PTPRO: variants seen among roughly 807,000 people sequenced by gnomAD.
PTPRO encodes protein tyrosine phosphatase receptor type O, also known as receptor-type tyrosine-protein phosphatase O.
In PTPRO, 62 loss-of-function variants were observed where a neutral mutation model predicts 145.2. The observed-to-expected ratio is 0.43, with a 90% CI of 0.35 to 0.53. The LOEUF is 0.53. PTPRO is among the 20% of genes least tolerant of loss of function. The pLI is 0.01. For missense variants in PTPRO, 1,345 were observed against 1,482.7 expected, an observed-to-expected ratio of 0.91 and a Z score of 1.53; for synonymous variants, 565 against 514.7, an observed-to-expected ratio of 1.10 and a Z score of -1.32.
chr12:15,587,205 C>G, intron 24 of PTPRO, 154 bp downstream of exon 24: 1 of 830,612 alleles, frequency 1.2e-6, no homozygotes, highest in Non-Finnish European at 1.9e-6. Flanking sequence ...TCACTATATA[C>G]AATGTTTATT....
chr12:15,482,762 A>G (rs1591640957), intron 1 of PTPRO, among the ~76,000 whole-genome samples: 1 of 152,168 alleles, frequency 6.6e-6, no homozygotes, highest in African/African-American at 2.4e-5. Context: ...TCCTTCACTG[A>G]TGTAACAGAA....
intron 2 of PTPRO, among the ~76,000 whole-genome samples, chr12:15,489,191 C>T (rs1941950370): frequency 6.6e-6 from 1 of 151,784 alleles, no homozygotes; most frequent in South Asian, 2.1e-4. Flanking sequence ...AAATAAAAAC[C>T]ATTACAAATA....
chr12:15,523,785 A>G (rs1320667499), intron 10 of PTPRO, among the ~76,000 whole-genome samples: 1 of 151,676 alleles, frequency 6.6e-6, no homozygotes, highest in Admixed American at 6.6e-5. Context: ...AAAAGTAAAA[A>G]TAAAATAAAA....
At chr12:15,396,253 T>C (rs1474058884) in intron 1 of PTPRO, among the ~76,000 whole-genome samples, 1 of 152,214 alleles carries the variant, frequency 6.6e-6, no homozygotes, top group African/African-American at 2.4e-5. Context: ...TGGGCATATA[T>C]ATTTGTGTTT....
intron 1 of PTPRO, among the ~76,000 whole-genome samples, chr12:15,458,228 C>T (rs1462620263): frequency 6.6e-6 from 1 of 152,096 alleles, no homozygotes; most frequent in African/African-American, 2.4e-5. Context: ...CTGCTGACAG[C>T]CTTATGCAGA....
At chr12:15,351,144 T>C (rs539012259) in intron 1 of PTPRO, among the ~76,000 whole-genome samples, 2 of 152,246 alleles carry the variant, frequency 1.3e-5, no homozygotes, top group Non-Finnish European at 2.9e-5. Context: ...TTTCTGTAAG[T>C]GTGCTGCCGT....
chr12:15,510,717 T>C (rs770391972), intron 7 of PTPRO, among the ~76,000 whole-genome samples: 6 of 152,182 alleles, frequency 3.9e-5, no homozygotes, highest in Non-Finnish European at 5.9e-5. Context: ...CAAGACCTTT[T>C]TGAGATTTGT....
In PTPRO at chr12:15,594,958, C is replaced by T; in HGVS notation, c.3568C>T (p.Gln1190Ter). 1 of 1,613,712 alleles carries T rather than the reference C, an allele frequency of 6.2e-7. No homozygotes were observed. Among genetic ancestry groups the T allele is most frequent in the Non-Finnish European group, 8.5e-7 (1 of 1,179,748 alleles). ...CCAGGAGCAGTACATTTTTATCCAT[C>T]AGTGTGTGCAACTGATGTGGATGAA... The part of the protein sequence containing the change: ...QTEEQYIFIH[Q>*]CVQLMWMKKK... Residue 1190 changes from glutamine to a stop codon, truncating the protein, a stop_gained, in exon 26 of 27, where the codon CAG (glutamine) becomes TAG (stop). Coordinates refer to ENST00000281171, the MANE Select transcript of PTPRO (RefSeq NM_030667.3). LOFTEE classifies it high-confidence loss of function.
chr12:15,443,348 T>C (rs1263895691), intron 1 of PTPRO, among the ~76,000 whole-genome samples: 1 of 152,144 alleles, frequency 6.6e-6, no homozygotes, highest in African/African-American at 2.4e-5. Context: ...AAAAATTAAC[T>C]GAAAATTGAT....
intron 25 of PTPRO, 50 bp from the exon 26 acceptor site, chr12:15,594,887 A>G (rs1294467616): frequency 7.8e-7 from 1 of 1,282,440 alleles, no homozygotes; most frequent in East Asian, 2.4e-5. Flanking sequence ...ATAAAATATT[A>G]TATCTTTGCA....
intron 1 of PTPRO, among the ~76,000 whole-genome samples, chr12:15,438,474 C>A (rs1210942510): frequency 6.6e-6 from 1 of 151,826 alleles, no homozygotes; most frequent in African/African-American, 2.4e-5. Flanking sequence ...CTAAAGCAAC[C>A]CAGGAAATGA....
chr12:15,409,305 CCATCATA>C (rs1324733805), intron 1 of PTPRO, among the ~76,000 whole-genome samples: 5 of 152,094 alleles, frequency 3.3e-5, no homozygotes, highest in Admixed American at 1.3e-4. Context: ...TCTACATAGA[CCATCATA>C]TGTTGGTCCC....
intron 1 of PTPRO, among the ~76,000 whole-genome samples, chr12:15,479,588 C>T (rs545956894): frequency 1.3e-3 from 195 of 152,322 alleles, no homozygotes; most frequent in African/African-American, 4.5e-3. Context: ...CCCATCTCAT[C>T]TCTTCATCTA....
chr12:15,495,888 C>A (rs1026885059), intron 2 of PTPRO, among the ~76,000 whole-genome samples: 20 of 152,026 alleles, frequency 1.3e-4, no homozygotes, highest in African/African-American at 4.3e-4. Flanking sequence ...TGTCATCCAG[C>A]CTAAGCAAAG....
intron 1 of PTPRO, among the ~76,000 whole-genome samples, chr12:15,444,687 A>G (rs993501737): frequency 6.6e-6 from 1 of 151,516 alleles, no homozygotes; most frequent in African/African-American, 2.4e-5. Flanking sequence ...CCCCAGAGAG[A>G]TCCTCCTCCC....
chr12:15,461,154 A>G (rs531874040), intron 1 of PTPRO, among the ~76,000 whole-genome samples: 2 of 152,280 alleles, frequency 1.3e-5, no homozygotes, highest in East Asian at 3.9e-4. Context: ...CTCTGCAAAT[A>G]AGAACTTTGG....
intron 3 of PTPRO, 82 bp from the exon 4 acceptor site, chr12:15,499,360 A>T: frequency 7.5e-7 from 1 of 1,332,122 alleles, no homozygotes; most frequent in Non-Finnish European, 1.1e-6. Flanking sequence ...GTGAATGTTT[A>T]GCCATAATTG....
intron 1 of PTPRO, among the ~76,000 whole-genome samples, chr12:15,454,504 C>G (rs936914971): frequency 6.6e-6 from 1 of 152,176 alleles, no homozygotes; most frequent in Non-Finnish European, 1.5e-5. Context: ...ATATTCTCTT[C>G]CATTACATAG....
At position 15,322,897 on chromosome 12, in the gene PTPRO, C is replaced by G. The variant is rs1015542301; in HGVS notation, c.75+96C>G. ...CCGTTGGGAGCGGCGCGCCCCAGGG[C>G]ACGATGGCCCAGCCGCGGGAAGCGC... is the stretch of plus-strand genomic sequence containing the variant. On this transcript the variant is annotated intron_variant, in intron 1 of 26. Coordinates refer to ENST00000281171, the MANE Select transcript of PTPRO (RefSeq NM_030667.3). This position sits in a 1 kb window ranked among gnomAD's most constrained non-coding sequence, Gnocchi z 6.3. 4 of 1,251,104 alleles carry G rather than the reference C, an allele frequency of 3.2e-6. No individual in the cohort carries two copies. Among genetic ancestry groups the G allele is most frequent in the Admixed American group, 2.3e-5 (1 of 44,322 alleles). The allele number at this position is 1,251,104 out of a possible 1,614,324, so 77.5% of individuals were successfully genotyped here.
Sources: allele counts gnomAD v4.1 joint callset (sites outside exome capture counted in the v4.1 genomes callset), GRCh38; gene constraint gnomAD v4.1.1; non-coding constraint Gnocchi (gnomAD v3.1); transcripts MANE v1.5; gene names NCBI Gene and HGNC (gene_info 2026-07-23, HGNC 2026-07-21).